RALY: variants seen among roughly 807,000 people sequenced by gnomAD.
RALY encodes RALY heterogeneous nuclear ribonucleoprotein.
A neutral mutation model predicts 30.7 loss-of-function variants in RALY; 15 were observed. The observed-to-expected ratio is 0.49, with a 90% CI of 0.33 to 0.75. The LOEUF is 0.75. Among genes scored for constraint, RALY ranks in the 30% least tolerant of loss-of-function variants. The pLI is 0.02. For missense variants in RALY, 339 were observed against 414.3 expected, an observed-to-expected ratio of 0.82 and a Z score of 1.58; for synonymous variants, 177 against 170.8, an observed-to-expected ratio of 1.04 and a Z score of -0.28.
chr20:34,027,362 C>G (rs1464379212), intron 1 of RALY, among the ~76,000 whole-genome samples: 1 of 152,208 alleles, frequency 6.6e-6, no homozygotes, highest in Non-Finnish European at 1.5e-5. Flanking sequence ...TCATCACCTA[C>G]TTCACAGGGT....
At chr20:34,067,189 G>A (rs1375261072) in intron 2 of RALY, among the ~76,000 whole-genome samples, 2 of 152,128 alleles carry the variant, frequency 1.3e-5, no homozygotes, top group East Asian at 1.9e-4. Context: ...ATTAGTGGCC[G>A]TCCTTTTCTT....
chr20:34,001,928 G>A (rs1451332056), intron 1 of RALY, among the ~76,000 whole-genome samples: 3 of 151,986 alleles, frequency 2.0e-5, no homozygotes, highest in Non-Finnish European at 2.9e-5. Flanking sequence ...CACCACGCCC[G>A]GCTAATTTTT....
chr20:34,071,402 C>T (rs1359257977), intron 2 of RALY, among the ~76,000 whole-genome samples: 1 of 151,924 alleles, frequency 6.6e-6, no homozygotes, highest in East Asian at 1.9e-4. Flanking sequence ...CTCAGCCTCC[C>T]GAGTAGCTGG....
chr20:34,014,922 A>G (rs1273283693), intron 1 of RALY: 1 of 152,250 alleles, frequency 6.6e-6, no homozygotes, highest in Non-Finnish European at 1.5e-5. Flanking sequence ...TTTATGATTC[A>G]GAAAATAAAA....
chr20:34,047,011 G>GT (rs1421928375), intron 2 of RALY, among the ~76,000 whole-genome samples: 1 of 151,866 alleles, frequency 6.6e-6, no homozygotes, highest in Non-Finnish European at 1.5e-5. Flanking sequence ...TAGAGATGGG[G>GT]TTTCTCCATG....
chr20:34,025,572 G>T (rs985872832), intron 1 of RALY, among the ~76,000 whole-genome samples: 2 of 152,026 alleles, frequency 1.3e-5, no homozygotes, highest in Non-Finnish European at 2.9e-5. Context: ...CCAAAGTGCT[G>T]GGATAACAGG....
intron 8 of RALY, 181 bp downstream of exon 8, chr20:34,077,426 A>T (rs2033924338): frequency 9.5e-6 from 13 of 1,367,218 alleles, no homozygotes; most frequent in Admixed American, 7.2e-5. Context: ...TGCCTATCTC[A>T]GACACCATCA....
At chr20:34,016,440 G>A (rs1211627818) in intron 1 of RALY, 1 of 152,142 alleles carries the variant, frequency 6.6e-6, no homozygotes, top group Non-Finnish European at 1.5e-5. Context: ...CACTGCTATT[G>A]GAAGGTGATC....
chr20:34,074,379 A>T (rs1298565194), intron 5 of RALY, among the ~76,000 whole-genome samples: 2 of 152,272 alleles, frequency 1.3e-5, no homozygotes, highest in East Asian at 3.9e-4. Flanking sequence ...TCCAGCCCAG[A>T]GGCTGTGGGC....
chr20:34,008,229 C>T (rs1007286015), intron 1 of RALY, among the ~76,000 whole-genome samples: 2 of 152,120 alleles, frequency 1.3e-5, no homozygotes, highest in African/African-American at 4.8e-5. Context: ...AGGGCAGCTA[C>T]TCTTTTTTTT....
intron 1 of RALY, among the ~76,000 whole-genome samples, chr20:34,031,053 C>G (rs1274169456): frequency 1.7e-5 from 1 of 59,772 alleles, no homozygotes; most frequent in African/African-American, 9.7e-5. Context: ...CTTCCTCCCC[C>G]CCTTTTTTTG....
chr20:34,046,888 C>T (rs992730229), intron 2 of RALY, among the ~76,000 whole-genome samples: 35 of 146,730 alleles, frequency 2.4e-4, no homozygotes, highest in Non-Finnish European at 4.7e-4. Context: ...GGTGTGACCT[C>T]GGCTCACTGC....
chr20:34,064,932 G>A (rs1276473968), intron 2 of RALY: 2 of 152,224 alleles, frequency 1.3e-5, no homozygotes, highest in African/African-American at 4.8e-5. Flanking sequence ...ACAGTTTCAA[G>A]TGATAGGTCT....
chr20:34,025,569 G>A (rs1464232749), intron 1 of RALY, among the ~76,000 whole-genome samples: 1 of 151,992 alleles, frequency 6.6e-6, no homozygotes, highest in African/African-American at 2.4e-5. Flanking sequence ...TTCCCAAAGT[G>A]CTGGGATAAC....
chr20:34,004,227 A>G (rs750852068), intron 1 of RALY, among the ~76,000 whole-genome samples: 6 of 152,174 alleles, frequency 3.9e-5, no homozygotes, highest in Non-Finnish European at 5.9e-5. Context: ...ACCAGTGAGT[A>G]TTTGTGCTGG....
chr20:34,022,925 C>G (rs1359291511), intron 1 of RALY, among the ~76,000 whole-genome samples: 1 of 152,156 alleles, frequency 6.6e-6, no homozygotes, highest in Non-Finnish European at 1.5e-5. Context: ...TTAGTATATG[C>G]TCAAAGATCA....
intron 1 of RALY, among the ~76,000 whole-genome samples, chr20:34,000,717 A>G (rs1401389497): frequency 6.6e-6 from 1 of 152,152 alleles, no homozygotes; most frequent in Non-Finnish European, 1.5e-5. Flanking sequence ...TGGGTTTCTT[A>G]GAGGGTACAT....
intron 7 of RALY, 38 bp downstream of exon 7, chr20:34,076,853 G>A (rs377167677): frequency 7.5e-6 from 12 of 1,606,244 alleles, no homozygotes; most frequent in East Asian, 2.2e-5. Flanking sequence ...TCCATGACCA[G>A]GGCACAGGGC....
At chr20:34,028,930 T>C (rs1189011721) in intron 1 of RALY, among the ~76,000 whole-genome samples, 1 of 151,950 alleles carries the variant, frequency 6.6e-6, no homozygotes, top group Admixed American at 6.6e-5. Context: ...CTGGCATACC[T>C]AAGAGCAAGG....
Sources: allele counts gnomAD v4.1 joint callset (sites outside exome capture counted in the v4.1 genomes callset), GRCh38; gene constraint gnomAD v4.1.1; transcripts MANE v1.5; gene names NCBI Gene and HGNC (gene_info 2026-07-23, HGNC 2026-07-21).